Variants in ATRNL1 observed in about 807,000 individuals in gnomAD.
ATRNL1 encodes the protein attractin-like protein 1.
ATRNL1 carries 95 observed loss-of-function variants against 182.7 expected under a neutral mutation model. That is an observed-to-expected ratio of 0.52 (90% CI 0.44 to 0.62). ATRNL1 has a LOEUF of 0.62. Among genes scored for constraint, ATRNL1 ranks in the 20% least tolerant of loss-of-function variants. ATRNL1 has a pLI of 0.00. For synonymous variants in ATRNL1, 576 were observed against 568.3 expected (o/e 1.01, Z -0.19); for missense variants, 1,471 against 1,679.5 (o/e 0.88, Z 2.17).
At chr10:115,754,831 C>T (rs1948543488) in intron 27 of ATRNL1, among the ~76,000 whole-genome samples, 2 of 152,062 alleles carry the variant, frequency 1.3e-5, no homozygotes, top group African/African-American at 4.8e-5. Context: ...TGTTTGTTTC[C>T]TCTCTTATTT....
chr10:115,916,700 G>A (rs1952864654), intron 28 of ATRNL1, among the ~76,000 whole-genome samples: 1 of 152,176 alleles, frequency 6.6e-6, no homozygotes. Context: ...CGACAGTGTA[G>A]ACTGCCAGAC....
At chr10:115,337,933 T>G (rs1204757079) in intron 19 of ATRNL1, among the ~76,000 whole-genome samples, 1 of 152,116 alleles carries the variant, frequency 6.6e-6, no homozygotes, top group African/African-American at 2.4e-5. Context: ...TAGATTCTCA[T>G]AAGGAGTGCG....
intron 27 of ATRNL1, among the ~76,000 whole-genome samples, chr10:115,840,893 T>C (rs1589588777): frequency 2.0e-5 from 3 of 152,008 alleles, no homozygotes; most frequent in South Asian, 2.1e-4. Flanking sequence ...AGTGACTGAT[T>C]TGGCAGGCAC....
At chr10:115,766,547 G>A (rs925497664) in intron 27 of ATRNL1, among the ~76,000 whole-genome samples, 1 of 152,148 alleles carries the variant, frequency 6.6e-6, no homozygotes, top group East Asian at 1.9e-4. Context: ...GTGAAAAGTA[G>A]TATCTCATAG....
Position 115,405,667 on chromosome 10 carries a change from C to T in ATRNL1, c.3269+10915C>T, listed in dbSNP as rs377667117. On this transcript the variant is annotated intron_variant, in intron 20 of 28. Coordinates refer to ENST00000355044, the MANE Select transcript of ATRNL1 (RefSeq NM_207303.4). ...AGAGTATTTCATTATATAATTATAA[C>T]ACACTTCATTCATTTGCCTGTTTTC... Among the ~76,000 whole-genome samples the T allele has an allele frequency of 6.8e-4, 103 of 151,578 alleles. 2 individuals carry two copies. In the South Asian group the frequency reaches 0.021, roughly 31 times the overall value.
chr10:115,570,559 C>A (rs533745670), intron 26 of ATRNL1, among the ~76,000 whole-genome samples: 3 of 152,234 alleles, frequency 2.0e-5, no homozygotes, highest in African/African-American at 7.2e-5. Context: ...TTCATTTTTA[C>A]ATTTTGTGTA....
chr10:115,292,958 G>C (rs934004004), intron 15 of ATRNL1, among the ~76,000 whole-genome samples: 1 of 152,114 alleles, frequency 6.6e-6, no homozygotes, highest in African/African-American at 2.4e-5. Context: ...TGGTGTTGAA[G>C]TCTCCAAGTA....
At chr10:115,192,191 T>A (rs1284802210) in intron 8 of ATRNL1, among the ~76,000 whole-genome samples, 2 of 152,098 alleles carry the variant, frequency 1.3e-5, no homozygotes, top group East Asian at 1.9e-4. Context: ...CCTGGAGTGT[T>A]TCTCCAGTGT....
intron 19 of ATRNL1, among the ~76,000 whole-genome samples, chr10:115,386,315 A>G (rs1358069609): frequency 6.6e-6 from 1 of 152,322 alleles, no homozygotes; most frequent in Non-Finnish European, 1.5e-5. Context: ...AATAAATGAT[A>G]TTAATGTTTG....
chr10:115,363,206 C>G (rs575513441), intron 19 of ATRNL1, among the ~76,000 whole-genome samples: 1 of 151,296 alleles, frequency 6.6e-6, no homozygotes, highest in Non-Finnish European at 1.5e-5. Context: ...TTTTAATGAT[C>G]GCCATTCTAA....
chr10:115,820,690 G>T (rs1950272641), intron 27 of ATRNL1, among the ~76,000 whole-genome samples: 1 of 152,034 alleles, frequency 6.6e-6, no homozygotes, highest in South Asian at 2.1e-4. Context: ...ATCCTCATCT[G>T]AGAGGCGGTA....
intron 26 of ATRNL1, among the ~76,000 whole-genome samples, chr10:115,674,667 C>A (rs1945805636): frequency 6.6e-6 from 1 of 151,976 alleles, no homozygotes; most frequent in Non-Finnish European, 1.5e-5. Flanking sequence ...CAAAAGAGAT[C>A]TTCTTGGAAA....
At chr10:115,374,999 G>A (rs1857594867) in intron 19 of ATRNL1, among the ~76,000 whole-genome samples, 1 of 151,520 alleles carries the variant, frequency 6.6e-6, no homozygotes, top group South Asian at 2.1e-4. Flanking sequence ...GATATAAAGT[G>A]TAGGTCAAAT....
rs1446043680 is a variant in ATRNL1, at chr10:115,948,003, C to T, written c.*3224C>T. 1.3e-5 allele frequency: 2 copies of T among 152,182 alleles called. No homozygotes were observed. Among genetic ancestry groups the T allele is most frequent in the Non-Finnish European group, 2.9e-5 (2 of 68,020 alleles). 9.4% of individuals were successfully genotyped at this position (152,182 alleles called of 1,614,324 possible). A position where few individuals can be genotyped will look rare whatever the true frequency, so the allele number is the denominator to read the frequency against. ...GGGACACCAGGCCACTCTTTTTCTA[C>T]CAGTTGTTTTATGAATCCACCTATT... On this transcript the variant is annotated 3_prime_UTR_variant, in exon 29 of 29. Transcript: ENST00000355044.
chr10:115,172,274 T>G (rs570767319), intron 8 of ATRNL1, among the ~76,000 whole-genome samples: 7 of 151,962 alleles, frequency 4.6e-5, no homozygotes, highest in Non-Finnish European at 1.0e-4. Flanking sequence ...TATTCTCAAT[T>G]CCTCCTCCTT....
At chr10:115,226,699 C>G (rs1554898743) in intron 9 of ATRNL1, among the ~76,000 whole-genome samples, 2 of 152,012 alleles carry the variant, frequency 1.3e-5, no homozygotes, top group South Asian at 2.1e-4. Context: ...CTACAGTAAC[C>G]AAAACAGCAT....
intron 8 of ATRNL1, among the ~76,000 whole-genome samples, chr10:115,188,781 T>G (rs1848055363): frequency 6.6e-6 from 1 of 152,090 alleles, no homozygotes; most frequent in Non-Finnish European, 1.5e-5. Flanking sequence ...AATTGGACAT[T>G]GATTTTTAGC....
intron 5 of ATRNL1, among the ~76,000 whole-genome samples, chr10:115,148,442 T>G (rs1470233730): frequency 6.6e-6 from 1 of 152,206 alleles, no homozygotes; most frequent in African/African-American, 2.4e-5. Flanking sequence ...TTCTTTCTCT[T>G]GCCTAATTTC....
chr10:115,398,713 C>T (rs1475906521), intron 20 of ATRNL1, among the ~76,000 whole-genome samples: 1 of 151,972 alleles, frequency 6.6e-6, no homozygotes, highest in African/African-American at 2.4e-5. Context: ...TTTTGCCTGA[C>T]TGCCCTGGTG....
Sources: gnomAD v4.1 joint callset for allele counts (sites outside exome capture counted in the v4.1 genomes callset) on GRCh38, gnomAD v4.1.1 for gene constraint, MANE v1.5 for transcripts, NCBI Gene and HGNC (gene_info 2026-07-23, HGNC 2026-07-21) for gene names.